The following ALDH5A1 variants were observed in gnomAD, a reference collection of about 807,000 sequenced individuals.
The protein encoded by ALDH5A1 is aldehyde dehydrogenase 5 family member A1.
ALDH5A1 carries 33 observed loss-of-function variants against 54.7 expected under a neutral mutation model. That is an observed-to-expected ratio of 0.60 (90% confidence interval 0.46 to 0.81). ALDH5A1 has a LOEUF of 0.81. Ranked by LOEUF, ALDH5A1 falls within the 30% of genes least tolerant of loss-of-function variation. The pLI, the probability that ALDH5A1 is intolerant of heterozygous loss-of-function variation, is 0.00. For synonymous variants in ALDH5A1, 294 were observed against 292.7 expected, an observed-to-expected ratio of 1.00 and a Z score of -0.05; for missense variants, 657 against 711.0, an observed-to-expected ratio of 0.92 and a Z score of 0.86.
intron 7 of ALDH5A1, among the ~76,000 whole-genome samples, chr6:24,525,817 T>A (rs996545167): frequency 2.0e-5 from 3 of 152,028 alleles, no homozygotes; most frequent in African/African-American, 7.3e-5. Context: ...AAAGTAGGAA[T>A]AGGAGGAGGG....
chr6:24,520,685 T>C, intron 6 of ALDH5A1, 141 bp downstream of exon 6: 1 of 1,287,812 alleles, frequency 7.8e-7, no homozygotes, highest in East Asian at 2.5e-5. Flanking sequence ...CCACCTCTAC[T>C]GCCTTATATC....
chr6:24,528,426 G>A (rs537548069), intron 8 of ALDH5A1, among the ~76,000 whole-genome samples: 3 of 151,950 alleles, frequency 2.0e-5, no homozygotes, highest in South Asian at 2.1e-4. Flanking sequence ...GCAATGGTGC[G>A]ATCTTGGCTC....
chr6:24,532,828 AG>A (rs1759961066), intron 9 of ALDH5A1, among the ~76,000 whole-genome samples: 2 of 152,156 alleles, frequency 1.3e-5, no homozygotes, highest in African/African-American at 4.8e-5. Flanking sequence ...GCATGCTATG[AG>A]GTCCCTTAGA....
chr6:24,530,629 G>T (rs1369770555), intron 8 of ALDH5A1, among the ~76,000 whole-genome samples: 4 of 152,206 alleles, frequency 2.6e-5, no homozygotes. Context: ...TTAAAATCCA[G>T]TCTCAGTGCC....
Position 24,536,857 on chromosome 6 carries a change from T to C in ALDH5A1, c.*3145T>C, listed in dbSNP as rs1037330256. 1 of 152,668 alleles carries C rather than the reference T, an allele frequency of 6.6e-6. No homozygotes were observed. Among genetic ancestry groups the C allele is most frequent in the African/African-American group, 2.4e-5 (1 of 41,464 alleles). The allele number at this position is 152,668 out of a possible 1,614,324, so 9.5% of individuals were successfully genotyped here. ...TAAAGAGAGACAGCAGAAATAAAGA[T>C]CAGAAGCAAATGTGAGCAAATCTGT... On this transcript the variant is annotated 3_prime_UTR_variant, in exon 10 of 10. Coordinates refer to ENST00000357578, the MANE Select transcript of ALDH5A1 (RefSeq NM_001080.3).
chr6:24,525,688 G>A (rs1291855208), intron 7 of ALDH5A1, among the ~76,000 whole-genome samples: 1 of 152,070 alleles, frequency 6.6e-6, no homozygotes, highest in Non-Finnish European at 1.5e-5. Context: ...AGCCCAGCCT[G>A]AGCAACAAAA....
intron 1 of ALDH5A1, among the ~76,000 whole-genome samples, chr6:24,498,277 A>C (rs1196033364): frequency 6.6e-6 from 1 of 151,806 alleles, no homozygotes; most frequent in African/African-American, 2.4e-5. Context: ...TTGAGAGCGA[A>C]CCCTAGGCTA....
rs769123265 is a variant in ALDH5A1 at position 24,503,331 on chromosome 6, G to T, written c.507G>T (p.Glu169Asp). 2 of 1,614,104 alleles carry T rather than the reference G, an allele frequency of 1.2e-6. No homozygotes were observed. The highest frequency in any genetic ancestry group is 1.7e-6 in the Non-Finnish European group (2 of 1,180,048). ...YSAFFLEWFS[E>D]EARRVYGDII... ...CCTTTTTCCTAGAGTGGTTCTCTGA[G>T]GAAGCCCGCCGTGTTTACGGAGACA... The change falls in exon 3 of 10, where the codon GAG (glutamate) becomes GAT (aspartate). Residue 169 changes from glutamate to aspartate, a missense_variant. Transcript: ENST00000357578.
chr6:24,519,108 T>C (rs1285949116), intron 5 of ALDH5A1, among the ~76,000 whole-genome samples: 1 of 152,132 alleles, frequency 6.6e-6, no homozygotes, highest in Non-Finnish European at 1.5e-5. Context: ...TGTTTTGTTT[T>C]TGAGATGGAG....
chr6:24,508,472 C>G (rs1376051701), intron 4 of ALDH5A1, among the ~76,000 whole-genome samples: 1 of 151,056 alleles, frequency 6.6e-6, no homozygotes, highest in Non-Finnish European at 1.5e-5. Context: ...GAGTAGTATT[C>G]CATCCTATGT....
Position 24,520,808 on chromosome 6 carries a change from AG to A in ALDH5A1, c.1014+268del, listed in dbSNP as rs375657553. Among the ~76,000 whole-genome samples the A allele has an allele frequency of 3.5e-4, 54 of 152,304 alleles. No individual in the cohort carries two copies. The East Asian group carries it at 6.6e-3, about 18-fold the overall frequency. On this transcript the variant is annotated intron_variant, in intron 6 of 9. Coordinates refer to ENST00000357578, the MANE Select transcript of ALDH5A1 (RefSeq NM_001080.3). ...ATTACCAGGGTTATACTAGGCTCAG[AG>A]GGGCCCCCCCAAAATAAGGTACAGT...
chr6:24,504,275 C>A (rs559371871), intron 3 of ALDH5A1, among the ~76,000 whole-genome samples: 20 of 152,236 alleles, frequency 1.3e-4, no homozygotes, highest in African/African-American at 4.8e-4. Flanking sequence ...ATACCTGATA[C>A]AGAGTAAGTA....
intron 3 of ALDH5A1, 104 bp from the exon 4 acceptor site, chr6:24,504,765 C>T: frequency 8.7e-7 from 1 of 1,153,502 alleles, no homozygotes. Flanking sequence ...GTTTGTCAAT[C>T]AGTTGTGCAA....
intron 7 of ALDH5A1, among the ~76,000 whole-genome samples, chr6:24,526,974 G>GTATATA (rs58873176): frequency 0.01 from 314 of 30,552 alleles, 2 homozygotes; most frequent in South Asian, 0.042. Flanking sequence ...ATGTGTGTGT[G>GTATATA]TATATATATA....
chr6:24,506,119 A>C (rs1280831887), intron 4 of ALDH5A1, among the ~76,000 whole-genome samples: 1 of 151,888 alleles, frequency 6.6e-6, no homozygotes, highest in Non-Finnish European at 1.5e-5. Flanking sequence ...ATGTGTACAC[A>C]TGTGTACACA....
rs1401333763 is a variant in ALDH5A1 at position 24,532,017 on chromosome 6, T to C, written c.1344-102T>C. On this transcript the variant is annotated intron_variant, in intron 8 of 9. Transcript: ENST00000357578. ...CTTGGATCTCTTTGCAAAACTCTGA[T>C]TTACTCCTTGTGATTATTTGGGAAA... The C allele has an allele frequency of 1.1e-5, 12 of 1,100,640 alleles. No homozygotes were observed. In the Admixed American group the frequency reaches 2.1e-4, roughly 19 times the overall value. 68.2% of individuals were successfully genotyped at this position (1,100,640 alleles called of 1,614,324 possible). A position where few individuals can be genotyped will look rare whatever the true frequency, so the allele number is the denominator to read the frequency against.
Position 24,518,439 on chromosome 6 carries a change from G to C in ALDH5A1, c.871-1962G>C, listed in dbSNP as rs927658989. 6.6e-6 allele frequency among the ~76,000 whole-genome samples: 1 copy of C among 152,218 alleles called. No individual in the cohort carries two copies. Among genetic ancestry groups the C allele is most frequent in the African/African-American group, 2.4e-5 (1 of 41,456 alleles). On this transcript the variant is annotated intron_variant, in intron 5 of 9. Transcript: ENST00000357578. This position sits in a 1 kb window ranked among gnomAD's most constrained non-coding sequence, Gnocchi z 4.2. ...GACACAGAGCCAGTGCAGGTGGAGG[G>C]ACAGACACCAGAGACAGGACCTGTG...
In ALDH5A1 at chr6:24,509,080, G is replaced by T. The variant is rs1196773670; in HGVS notation, c.726+4095G>T. ...GCTCTGTGGGTTGTCTGTTTACTCT[G>T]CTGACTGTTCCTTTTGCCATGCAAA... On this transcript the variant is annotated intron_variant, in intron 4 of 9. Coordinates refer to ENST00000357578, the MANE Select transcript of ALDH5A1 (RefSeq NM_001080.3). The surrounding 1 kb of genome is among the most constrained non-coding windows in gnomAD (Gnocchi z 4.7). Among the ~76,000 whole-genome samples, 2 of 151,792 alleles carry T rather than the reference G, an allele frequency of 1.3e-5. No individual in the cohort carries two copies. Among genetic ancestry groups the T allele is most frequent in the Non-Finnish European group, 2.9e-5 (2 of 67,932 alleles).
chr6:24,515,082 T>C, intron 4 of ALDH5A1, 85 bp from the exon 5 acceptor site: 1 of 1,463,032 alleles, frequency 6.8e-7, no homozygotes, highest in Non-Finnish European at 9.3e-7. Context: ...TTGGGTTAAG[T>C]ATCTATTTAT....
Sources: gnomAD v4.1 joint callset for allele counts (sites outside exome capture counted in the v4.1 genomes callset) on GRCh38, gnomAD v4.1.1 for gene constraint, Gnocchi (gnomAD v3.1) non-coding constraint, MANE v1.5 for transcripts, NCBI Gene and HGNC (gene_info 2026-07-23, HGNC 2026-07-21) for gene names.